WWOX: variants seen among roughly 807,000 people sequenced by gnomAD.
WWOX encodes WW domain-containing oxidoreductase.
WWOX carries 69 observed loss-of-function variants against 46.2 expected under a neutral mutation model. That is an observed-to-expected ratio of 1.49 (90% CI 1.23 to 1.82). The LOEUF (loss-of-function observed/expected upper bound fraction) is 1.82. Among genes scored for constraint, WWOX ranks in the 40% most tolerant of loss-of-function variants. The pLI, the probability that WWOX is intolerant of heterozygous loss-of-function variation, is 0.00. For missense variants in WWOX, 919 were observed against 542.6 expected (o/e 1.69, Z -6.89); for synonymous variants, 359 against 202.6 (o/e 1.77, Z -6.56).
chr16:78,137,454 A>C (rs1794458937), intron 4 of WWOX, among the ~76,000 whole-genome samples: 1 of 152,180 alleles, frequency 6.6e-6, no homozygotes, highest in Admixed American at 6.5e-5. Context: ...GAATGAAAGC[A>C]ACTAGTGTGG....
intron 8 of WWOX, among the ~76,000 whole-genome samples, chr16:78,542,705 T>A (rs1336736844): frequency 6.6e-6 from 1 of 152,214 alleles, no homozygotes; most frequent in Non-Finnish European, 1.5e-5. Context: ...AGACAATTCT[T>A]CTATCAGCCC....
At chr16:78,354,820 A>C (rs1478813830) in intron 5 of WWOX, among the ~76,000 whole-genome samples, 4 of 152,004 alleles carry the variant, frequency 2.6e-5, no homozygotes, top group Non-Finnish European at 4.4e-5. Context: ...TTTTTGATTA[A>C]ATTTTCATAT....
At position 78,293,992 on chromosome 16, in the gene WWOX, A is replaced by C. The variant is rs796603929; in HGVS notation, c.517-92868A>C. On this transcript the variant is annotated intron_variant, in intron 5 of 8. Transcript: ENST00000566780. Reference sequence around the variant, plus strand: ...ACTCTGTCTCAGAAAAAAAAAAAAAAAAAAAAAAAAAAAAAAAAGGCTTTC... The same window carrying C: ...ACTCTGTCTCAGAAAAAAAAAAAAACAAAAAAAAAAAAAAAAAAGGCTTTC... Among the ~76,000 whole-genome samples the C allele has an allele frequency of 6.4e-3, 956 of 148,434 alleles. 14 individuals are homozygous for C. Among genetic ancestry groups the C allele is most frequent in the African/African-American group, 0.022 (904 of 40,754 alleles).
At chr16:78,995,594 A>T (rs1350415690) in intron 8 of WWOX, among the ~76,000 whole-genome samples, 1 of 152,070 alleles carries the variant, frequency 6.6e-6, no homozygotes, top group East Asian at 1.9e-4. Context: ...AAAGAAAGAG[A>T]GAAAGAGAAA....
intron 8 of WWOX, among the ~76,000 whole-genome samples, chr16:78,909,765 C>G (rs1395948675): frequency 6.6e-6 from 1 of 152,178 alleles, no homozygotes. Context: ...TTGTTCCATG[C>G]GTCAACTTAG....
intron 8 of WWOX, among the ~76,000 whole-genome samples, chr16:78,826,215 C>A (rs147787616): frequency 6.6e-6 from 1 of 152,272 alleles, no homozygotes; most frequent in Non-Finnish European, 1.5e-5. Context: ...ATTAGCCTGG[C>A]GTGCCCTGTA....
intron 8 of WWOX, among the ~76,000 whole-genome samples, chr16:78,685,302 T>G (rs3751881): frequency 6.6e-6 from 1 of 151,932 alleles, no homozygotes; most frequent in African/African-American, 2.4e-5. Flanking sequence ...GGGACGTCCC[T>G]TGGGAAGCTA....
intron 8 of WWOX, among the ~76,000 whole-genome samples, chr16:78,736,402 C>A (rs768059597): frequency 6.6e-6 from 1 of 152,092 alleles, no homozygotes; most frequent in African/African-American, 2.4e-5. Flanking sequence ...ACAGCAGCTG[C>A]TAAAAGGGGA....
At chr16:78,637,687 G>A (rs1002640431) in intron 8 of WWOX, among the ~76,000 whole-genome samples, 8 of 152,206 alleles carry the variant, frequency 5.3e-5, no homozygotes, top group Admixed American at 6.5e-5. Flanking sequence ...AGGGCTCAGA[G>A]CTAAGCGCGG....
intron 8 of WWOX, among the ~76,000 whole-genome samples, chr16:78,688,655 G>C (rs899551916): frequency 6.6e-6 from 1 of 152,158 alleles, no homozygotes; most frequent in Non-Finnish European, 1.5e-5. Context: ...GATAATGTCT[G>C]AGGCATTTTT....
At chr16:79,083,275 A>G (rs756773309) in intron 8 of WWOX, among the ~76,000 whole-genome samples, 3 of 152,090 alleles carry the variant, frequency 2.0e-5, no homozygotes, top group Admixed American at 1.3e-4. Flanking sequence ...TGTGAGTGAC[A>G]CTTCCAGATG....
chr16:78,616,061 T>C (rs2046016577), intron 8 of WWOX, among the ~76,000 whole-genome samples: 1 of 152,136 alleles, frequency 6.6e-6, no homozygotes, highest in Non-Finnish European at 1.5e-5. Flanking sequence ...GGATAATCTT[T>C]AAGAAGAAGA....
At chr16:78,732,903 C>G (rs186273031) in intron 8 of WWOX, among the ~76,000 whole-genome samples, 3 of 152,126 alleles carry the variant, frequency 2.0e-5, no homozygotes, top group African/African-American at 7.2e-5. Context: ...CGCTGTGTTT[C>G]GCAAGAGTAA....
chr16:78,652,750 A>C (rs1293103715), intron 8 of WWOX, among the ~76,000 whole-genome samples: 1 of 152,204 alleles, frequency 6.6e-6, no homozygotes, highest in East Asian at 1.9e-4. Flanking sequence ...ATAAAAATAG[A>C]CTTGGTAAAG....
chr16:79,172,459 G>C (rs538445159), intron 8 of WWOX, among the ~76,000 whole-genome samples: 1 of 152,056 alleles, frequency 6.6e-6, no homozygotes, highest in African/African-American at 2.4e-5. Flanking sequence ...ACTTATCTTG[G>C]TACCTGTAGT....
At chr16:78,881,841 G>A (rs561439406) in intron 8 of WWOX, among the ~76,000 whole-genome samples, 1 of 152,306 alleles carries the variant, frequency 6.6e-6, no homozygotes, top group African/African-American at 2.4e-5. Flanking sequence ...AGAACTGACA[G>A]TCCAGGCACG....
chr16:78,588,722 A>C (rs1386934208), intron 8 of WWOX, among the ~76,000 whole-genome samples: 1 of 152,106 alleles, frequency 6.6e-6, no homozygotes, highest in Non-Finnish European at 1.5e-5. Flanking sequence ...AGAGTATGTC[A>C]CTTATTGACG....
chr16:78,519,577 C>G (rs2043306626), intron 8 of WWOX, among the ~76,000 whole-genome samples: 1 of 151,926 alleles, frequency 6.6e-6, no homozygotes, highest in South Asian at 2.1e-4. Context: ...TTGCATCCCC[C>G]CAAAATTCAC....
At position 78,739,779 on chromosome 16, in the gene WWOX, C is replaced by G. The variant is rs547444602; in HGVS notation, c.1056+307027C>G. On this transcript the variant is annotated intron_variant, in intron 8 of 8. Coordinates refer to ENST00000566780, the MANE Select transcript of WWOX (RefSeq NM_016373.4). ...TGAGCCGAGATCGTACCATTGCACT[C>G]CAGCCTGGGCAACAGGGAGAGATTC... is the stretch of plus-strand genomic sequence containing the variant. 2.4e-4 allele frequency among the ~76,000 whole-genome samples: 36 copies of G among 152,250 alleles called. 1 individual carries two copies. The South Asian group carries it at 7.0e-3, about 30-fold the overall frequency.
Sources: gnomAD v4.1 joint callset for allele counts (sites outside exome capture counted in the v4.1 genomes callset) on GRCh38, gnomAD v4.1.1 for gene constraint, MANE v1.5 for transcripts, NCBI Gene and HGNC (gene_info 2026-07-23, HGNC 2026-07-21) for gene names.